Variants in GAS7 observed in about 807,000 individuals in gnomAD.
The protein encoded by GAS7 is growth arrest-specific protein 7.
A neutral mutation model predicts 71.1 loss-of-function variants in GAS7; 28 were observed. The ratio of observed to expected loss-of-function variants is 0.39; its 90% CI spans 0.29 to 0.54. The LOEUF is 0.54. Ranked by LOEUF, GAS7 falls within the 20% of genes least tolerant of loss-of-function variation. The pLI is 0.62. For missense variants in GAS7, 436 were observed against 627.8 expected, an observed-to-expected ratio of 0.69 and a Z score of 3.27; for synonymous variants, 258 against 245.8, an observed-to-expected ratio of 1.05 and a Z score of -0.46.
Position 10,198,414 on chromosome 17 carries a change from C to A in GAS7, c.-24G>T, listed in dbSNP as rs773025056. ...ATGGCCTTGGCGCCCGGGTTCACAG[C>A]GCAGCCTGCATTCCCGCCGAGCCCC... On this transcript the variant is annotated 5_prime_UTR_variant, in exon 1 of 14. Transcript: ENST00000432992. 2.0e-6 allele frequency: 3 copies of A among 1,526,470 alleles called. No individual in the cohort carries two copies. Among genetic ancestry groups the A allele is most frequent in the East Asian group, 2.6e-5 (1 of 39,202 alleles). 94.6% of individuals were successfully genotyped at this position (1,526,470 alleles called of 1,614,324 possible). A position where few individuals can be genotyped will look rare whatever the true frequency, so the allele number is the denominator to read the frequency against.
chr17:10,187,692 AT>A (rs1464047293), intron 1 of GAS7, among the ~76,000 whole-genome samples: 1 of 152,176 alleles, frequency 6.6e-6, no homozygotes, highest in Admixed American at 6.5e-5. Context: ...CTTTGAATGA[AT>A]TTTGGCTGTT....
chr17:10,060,282 C>CACTG (rs1416903966), intron 1 of GAS7, among the ~76,000 whole-genome samples: 1 of 152,244 alleles, frequency 6.6e-6, no homozygotes, highest in Admixed American at 6.5e-5. Context: ...AGCCGAGTGA[C>CACTG]ACTGGGCAGG....
At chr17:10,024,757 G>A (rs1270416700) in intron 1 of GAS7, among the ~76,000 whole-genome samples, 1 of 152,104 alleles carries the variant, frequency 6.6e-6, no homozygotes. Context: ...AAGAATCTGA[G>A]GAAGGCTATG....
chr17:10,141,407 C>T (rs2074080115), intron 1 of GAS7, among the ~76,000 whole-genome samples: 1 of 151,796 alleles, frequency 6.6e-6, no homozygotes, highest in Non-Finnish European at 1.5e-5. Flanking sequence ...AAGATCGCAC[C>T]GGTGCACTCC....
chr17:10,005,212 TGCGC>T (rs540531658), intron 2 of GAS7, among the ~76,000 whole-genome samples: 2,638 of 148,466 alleles, frequency 0.018, 77 homozygotes, highest in African/African-American at 0.063. Context: ...TGTGTGCATG[TGCGC>T]GTGTGCATGT....
At chr17:10,033,831 G>A (rs1030905842) in intron 1 of GAS7, among the ~76,000 whole-genome samples, 7 of 152,172 alleles carry the variant, frequency 4.6e-5, no homozygotes, top group African/African-American at 9.7e-5. Flanking sequence ...TCCCCAACAC[G>A]GAGACTCATT....
chr17:10,088,568 A>G (rs574256175), intron 1 of GAS7, among the ~76,000 whole-genome samples: 3 of 152,170 alleles, frequency 2.0e-5, no homozygotes, highest in Non-Finnish European at 4.4e-5. Flanking sequence ...ATTGCCAAGC[A>G]TCTTTTTACG....
At chr17:9,965,025 C>T (rs933590223) in intron 4 of GAS7, among the ~76,000 whole-genome samples, 5 of 152,058 alleles carry the variant, frequency 3.3e-5, no homozygotes, top group African/African-American at 1.2e-4. Flanking sequence ...GAAGCCAGAA[C>T]AATTGAAAGG....
intron 8 of GAS7, among the ~76,000 whole-genome samples, chr17:9,935,206 C>T (rs1468811259): frequency 1.3e-5 from 2 of 152,190 alleles, no homozygotes; most frequent in African/African-American, 2.4e-5. Context: ...CTAGGAAGCA[C>T]GGTCTCCTCT....
intron 1 of GAS7, among the ~76,000 whole-genome samples, chr17:10,142,215 CA>C (rs11435397): frequency 3.6e-5 from 5 of 140,710 alleles, no homozygotes; most frequent in African/African-American, 8.0e-5. Context: ...GACTCTGTCT[CA>C]AAAAAAAAAA....
chr17:9,964,797 T>C (rs937803748), intron 4 of GAS7, among the ~76,000 whole-genome samples: 1 of 152,190 alleles, frequency 6.6e-6, no homozygotes, highest in African/African-American at 2.4e-5. Context: ...GCTATAGATA[T>C]CACCTGTGTC....
At chr17:10,168,620 T>C (rs1175567440) in intron 1 of GAS7, among the ~76,000 whole-genome samples, 7 of 152,118 alleles carry the variant, frequency 4.6e-5, no homozygotes, top group Admixed American at 4.6e-4. Context: ...CCCTGCAGGG[T>C]GATATTGCCC....
chr17:10,079,933 T>A (rs964287923), intron 1 of GAS7, among the ~76,000 whole-genome samples: 4 of 152,206 alleles, frequency 2.6e-5, no homozygotes, highest in African/African-American at 9.7e-5. Flanking sequence ...AAAAGACTTA[T>A]ATGGAGACAA....
At chr17:10,016,617 A>C (rs1441281849) in intron 2 of GAS7, among the ~76,000 whole-genome samples, 3 of 145,224 alleles carry the variant, frequency 2.1e-5, no homozygotes, top group African/African-American at 5.2e-5. Flanking sequence ...AAAAAAAAAA[A>C]AAAAAAACAA....
chr17:10,197,067 A>C (rs1597849710), intron 1 of GAS7, among the ~76,000 whole-genome samples: 2 of 152,174 alleles, frequency 1.3e-5, no homozygotes, highest in Admixed American at 1.3e-4. Flanking sequence ...ACCTGAAAGC[A>C]ATCTAATGTA....
At position 10,034,257 on chromosome 17, in the gene GAS7, C is replaced by G; in HGVS notation, c.184-14360G>C. 2.0e-6 allele frequency: 2 copies of G among 981,150 alleles called. No individual in the cohort carries two copies. Among genetic ancestry groups the G allele is most frequent in the Non-Finnish European group, 2.4e-6 (2 of 826,102 alleles). 60.8% of individuals were successfully genotyped at this position (981,150 alleles called of 1,614,324 possible). The stretch of plus-strand genomic sequence containing the variant: ...TCATCTCTAAAACACGGAAGTTGGA[C>G]CAGATGGTCTCCAAGGGCTTTCATA... On this transcript the variant is annotated intron_variant, in intron 1 of 13. Transcript: ENST00000432992. This position sits in a 1 kb window ranked among gnomAD's most constrained non-coding sequence, Gnocchi z 4.4.
At chr17:10,192,598 A>C (rs1480760058) in intron 1 of GAS7, among the ~76,000 whole-genome samples, 2 of 152,162 alleles carry the variant, frequency 1.3e-5, no homozygotes, top group Non-Finnish European at 2.9e-5. Flanking sequence ...CAGAGCGGTG[A>C]ACAGATGTCA....
intron 1 of GAS7, among the ~76,000 whole-genome samples, chr17:10,180,439 C>T (rs2074405956): frequency 6.6e-6 from 1 of 151,636 alleles, no homozygotes; most frequent in Admixed American, 6.6e-5. Flanking sequence ...CAGCTCTAAA[C>T]ACCACGCTCA....
intron 1 of GAS7, among the ~76,000 whole-genome samples, chr17:10,186,626 G>A (rs1191704145): frequency 1.3e-5 from 2 of 151,812 alleles, no homozygotes; most frequent in African/African-American, 2.4e-5. Context: ...GGCTGGTCTC[G>A]AACTACTGAC....
Sources: gnomAD v4.1 joint callset for allele counts (sites outside exome capture counted in the v4.1 genomes callset) on GRCh38, gnomAD v4.1.1 for gene constraint, Gnocchi (gnomAD v3.1) non-coding constraint, MANE v1.5 for transcripts, NCBI Gene and HGNC (gene_info 2026-07-23, HGNC 2026-07-21) for gene names.